DHX57: variants seen among roughly 807,000 people sequenced by gnomAD.
The protein encoded by DHX57 is putative ATP-dependent RNA helicase DHX57.
In DHX57, 105 loss-of-function variants were observed where a neutral mutation model predicts 156.2. The ratio of observed to expected loss-of-function variants is 0.67; its 90% CI spans 0.57 to 0.79. DHX57 has a LOEUF of 0.79. Among genes scored for constraint, DHX57 ranks in the 30% least tolerant of loss-of-function variants. The pLI is 0.00. For synonymous variants in DHX57, 704 were observed against 595.6 expected (o/e 1.18, Z -2.65); for missense variants, 1,847 against 1,661.9 (o/e 1.11, Z -1.94).
intron 16 of DHX57, 65 bp from the exon 17 acceptor site, chr2:38,823,334 T>C (rs1255263098): frequency 6.2e-6 from 9 of 1,453,848 alleles, no homozygotes; most frequent in Non-Finnish European, 8.4e-6. Context: ...AGAGGAATAA[T>C]TTCTTTTGTG....
chr2:38,807,945 CTTTTTT>C (rs34221239), intron 21 of DHX57, among the ~76,000 whole-genome samples: 1 of 54,254 alleles, frequency 1.8e-5, no homozygotes, highest in African/African-American at 6.4e-5. Context: ...TGTGTCTTGC[CTTTTTT>C]TTTTTTTTTT....
At chr2:38,873,029 C>T (rs1665424977) in intron 1 of DHX57, among the ~76,000 whole-genome samples, 1 of 151,978 alleles carries the variant, frequency 6.6e-6, no homozygotes, top group Non-Finnish European at 1.5e-5. Flanking sequence ...GCTCTGTCGC[C>T]CAGGCTGGAG....
At chr2:38,812,874 G>T (rs1293574672) in intron 21 of DHX57, among the ~76,000 whole-genome samples, 3 of 49,922 alleles carry the variant, frequency 6.0e-5, no homozygotes, top group African/African-American at 1.6e-4. Context: ...TTGAGACAGA[G>T]TCTCGGTCTG....
At chr2:38,826,719 T>C in intron 14 of DHX57, 30 bp from the exon 15 acceptor site, 2 of 1,604,272 alleles carry the variant, frequency 1.2e-6, no homozygotes, top group Non-Finnish European at 1.7e-6. Flanking sequence ...CATGAAGTAT[T>C]CTAGCACCTA....
At chr2:38,847,189 T>C (rs1672333210) in intron 10 of DHX57, 116 bp from the exon 11 acceptor site, 1 of 823,226 alleles carries the variant, frequency 1.2e-6, no homozygotes, top group Non-Finnish European at 1.9e-6. Context: ...CTATTTGTTC[T>C]GTGGTCTTAA....
At chr2:38,858,157 G>T (rs928518492) in intron 6 of DHX57, among the ~76,000 whole-genome samples, 1 of 152,216 alleles carries the variant, frequency 6.6e-6, no homozygotes, top group African/African-American at 2.4e-5. Flanking sequence ...CACCACCAAA[G>T]TTCAAGCAAT....
At chr2:38,810,473 C>T (rs1670182157) in intron 21 of DHX57, 1 of 544,666 alleles carries the variant, frequency 1.8e-6, no homozygotes, top group Admixed American at 1.9e-5. Context: ...GATGATATTC[C>T]TTCATCCTGA....
chr2:38,845,887 A>G (rs1348447078), intron 11 of DHX57, among the ~76,000 whole-genome samples: 3 of 145,170 alleles, frequency 2.1e-5, no homozygotes, highest in Non-Finnish European at 4.5e-5. Flanking sequence ...TTTTTTTGAG[A>G]CAGAGTTTTA....
rs1021991823 is a variant in DHX57 at position 38,863,147 on chromosome 2, A to G, written c.383+214T>C. ...ATGAGCACTGCCCTGGAAAAAAATAAAGATAAAAAGGCAATCCCATGGATG... is the reference window on the plus strand; with the variant it reads ...ATGAGCACTGCCCTGGAAAAAAATAGAGATAAAAAGGCAATCCCATGGATG... On this transcript the variant is annotated intron_variant, in intron 3 of 23. Transcript: ENST00000457308. The G allele has an allele frequency of 5.9e-6, 3 of 509,236 alleles. No individual in the cohort carries two copies. The Admixed American group carries it at 1.1e-4, about 18-fold the overall frequency. 31.5% of individuals were successfully genotyped at this position (509,236 alleles called of 1,614,324 possible).
In DHX57 at chr2:38,848,264, T is replaced by G. The variant is rs1301937587; in HGVS notation, c.2164+5A>C. 6.3e-7 allele frequency: 1 copy of G among 1,576,026 alleles called. No homozygotes were observed. Among genetic ancestry groups the G allele is most frequent in the African/African-American group, 1.4e-5 (1 of 72,722 alleles). On this transcript the variant is annotated splice_donor_5th_base_variant and intron_variant, in intron 10 of 23. Transcript: ENST00000457308. ...GATACATATTTAATGATGCATTTTATTCACCTGGTATAGTAATAACGGGGC... is the reference window on the plus strand; with the variant it reads ...GATACATATTTAATGATGCATTTTAGTCACCTGGTATAGTAATAACGGGGC...
At chr2:38,834,367 A>C (rs1671541803) in intron 13 of DHX57, among the ~76,000 whole-genome samples, 1 of 151,934 alleles carries the variant, frequency 6.6e-6, no homozygotes, top group Non-Finnish European at 1.5e-5. Flanking sequence ...ATTAAATCAA[A>C]ACTGCATACA....
chr2:38,840,182 C>A (rs1671908229), intron 12 of DHX57, among the ~76,000 whole-genome samples: 1 of 152,102 alleles, frequency 6.6e-6, no homozygotes, highest in Non-Finnish European at 1.5e-5. Flanking sequence ...TGGGCTCAAG[C>A]AATCCTCTGG....
intron 12 of DHX57, chr2:38,838,832 C>A (rs1301293092): frequency 4.4e-6 from 2 of 453,870 alleles, no homozygotes; most frequent in Non-Finnish European, 8.9e-6. Flanking sequence ...TACTCATAGA[C>A]CCTCACAATC....
At chr2:38,802,964 A>G in intron 22 of DHX57, 49 bp from the exon 23 acceptor site, 1 of 1,605,472 alleles carries the variant, frequency 6.2e-7, no homozygotes. Flanking sequence ...TGGCAACAAA[A>G]AGGGAACAAC....
chr2:38,812,102 T>A (rs1670277114), intron 21 of DHX57, among the ~76,000 whole-genome samples: 1 of 152,142 alleles, frequency 6.6e-6, no homozygotes, highest in Non-Finnish European at 1.5e-5. Context: ...GAAATAATTA[T>A]AGACTCACAG....
rs188520204 is a variant in DHX57 at position 38,875,392 on chromosome 2, G to C, written c.-7+395C>G. ...ATATCCAGCTCCATCCAGATATCCA[G>C]ATCTCGTATCCTTTTTCGAACTCAC... is the stretch of plus-strand genomic sequence containing the variant. On this transcript the variant is annotated intron_variant, in intron 1 of 23. Transcript: ENST00000457308. Among the ~76,000 whole-genome samples, 154 of 152,250 alleles carry C rather than the reference G, an allele frequency of 1.0e-3. 1 individual carries two copies. The highest frequency in any genetic ancestry group is 3.4e-3 in the African/African-American group (140 of 41,530).
At position 38,861,513 on chromosome 2, in the gene DHX57, C is replaced by A. The variant is rs2124931011; in HGVS notation, c.897G>T (p.Glu299Asp). Residue 299 changes from glutamate to aspartate, a missense_variant, in exon 5 of 24, where the codon GAG (glutamate) becomes GAT (aspartate). Coordinates refer to ENST00000457308, the MANE Select transcript of DHX57 (RefSeq NM_198963.3). Reference sequence around the variant, plus strand: ...AAAATTTACAGATTTCAAGTGAATTCTCTTGTACATTTTTGGTACTTTCTT... The same window carrying A: ...AAAATTTACAGATTTCAAGTGAATTATCTTGTACATTTTTGGTACTTTCTT... Reference protein sequence around the residue: ...KPKESTKNVQENSLEICKFYL... With the variant: ...KPKESTKNVQDNSLEICKFYL... The A allele has an allele frequency of 1.9e-6, 3 of 1,614,078 alleles. No individual in the cohort carries two copies. Among genetic ancestry groups the A allele is most frequent in the Non-Finnish European group, 2.5e-6 (3 of 1,180,004 alleles).
At chr2:38,835,723 T>G (rs1671618194) in intron 13 of DHX57, among the ~76,000 whole-genome samples, 1 of 152,190 alleles carries the variant, frequency 6.6e-6, no homozygotes, top group Non-Finnish European at 1.5e-5. Flanking sequence ...ATTACTTCAT[T>G]GAAGATGCCA....
intron 5 of DHX57, among the ~76,000 whole-genome samples, chr2:38,859,178 T>C (rs1263079733): frequency 6.6e-6 from 1 of 152,228 alleles, no homozygotes; most frequent in African/African-American, 2.4e-5. Context: ...GTCCACATAA[T>C]AGAATATTAT....
Sources: allele counts gnomAD v4.1 joint callset (sites outside exome capture counted in the v4.1 genomes callset), GRCh38; gene constraint gnomAD v4.1.1; transcripts MANE v1.5; gene names NCBI Gene and HGNC (gene_info 2026-07-23, HGNC 2026-07-21).